The following RAB11FIP4 variants were observed in gnomAD, a reference collection of about 807,000 sequenced individuals.
RAB11FIP4 encodes the protein rab11 family-interacting protein 4.
Under a neutral mutation model 74.3 loss-of-function variants are expected in RAB11FIP4, and 23 were observed. That is an observed-to-expected ratio of 0.31 (90% CI 0.22 to 0.44). The LOEUF is 0.44. Ranked by LOEUF, RAB11FIP4 falls within the 20% of genes least tolerant of loss-of-function variation. RAB11FIP4 has a pLI of 1.00. For synonymous variants in RAB11FIP4, 360 were observed against 359.9 expected (o/e 1.00, Z 0.00); for missense variants, 630 against 863.9 (o/e 0.73, Z 3.39).
chr17:31,403,435 G>A (rs1218736559), intron 1 of RAB11FIP4, among the ~76,000 whole-genome samples: 2 of 151,604 alleles, frequency 1.3e-5, no homozygotes, highest in East Asian at 3.9e-4. Context: ...CAATTCTCCT[G>A]CCTCAGCCTC....
At chr17:31,470,137 G>A (rs925842144) in intron 3 of RAB11FIP4, among the ~76,000 whole-genome samples, 9 of 152,134 alleles carry the variant, frequency 5.9e-5, no homozygotes, top group African/African-American at 1.9e-4. Flanking sequence ...CCTGAGAGTC[G>A]CTGCTTCTGA....
chr17:31,406,104 A>G (rs777481224), intron 1 of RAB11FIP4, among the ~76,000 whole-genome samples: 11 of 152,250 alleles, frequency 7.2e-5, no homozygotes, highest in Non-Finnish European at 1.5e-4. Flanking sequence ...TGGTGCAAGC[A>G]GGGTGGGGCC....
intron 3 of RAB11FIP4, among the ~76,000 whole-genome samples, chr17:31,497,773 T>C (rs74637485): frequency 0.034 from 5,225 of 152,110 alleles, 290 homozygotes; most frequent in African/African-American, 0.12. Flanking sequence ...AGGGGCTGAG[T>C]GTGCGCTGCT....
chr17:31,433,557 G>A (rs951536734), intron 2 of RAB11FIP4, among the ~76,000 whole-genome samples: 2 of 152,208 alleles, frequency 1.3e-5, no homozygotes, highest in African/African-American at 2.4e-5. Flanking sequence ...TCTCAGGAGC[G>A]AGGCCAGCCG....
intron 1 of RAB11FIP4, among the ~76,000 whole-genome samples, chr17:31,399,034 A>G (rs2070959050): frequency 6.6e-6 from 1 of 152,138 alleles, no homozygotes; most frequent in African/African-American, 2.4e-5. Flanking sequence ...GGCCGGCAGG[A>G]ATAGGGGTGT....
At position 31,522,004 on chromosome 17, in the gene RAB11FIP4, T is replaced by C. The variant is rs777044070; in HGVS notation, c.848T>C (p.Leu283Pro). Residue 283 changes from leucine (L) to proline (P), a missense_variant, in exon 6 of 15, where the codon CTG (leucine) becomes CCG (proline). By Grantham distance (98) the Leu-to-Pro change is moderately conservative. Coordinates refer to ENST00000621161, the MANE Select transcript of RAB11FIP4 (RefSeq NM_032932.6). ...YCSQCCKKIN[L>P]LNDLEARLKN... ...TCTCAATGCTGCAAGAAAATCAACC[T>C]GCTCAATGACTTGGAAGCCCGACTG... is the stretch of plus-strand genomic sequence containing the variant. 6 of 1,614,122 alleles carry C rather than the reference T, an allele frequency of 3.7e-6. No homozygotes were observed. The South Asian group carries it at 6.6e-5, about 18-fold the overall frequency.
chr17:31,454,428 C>A (rs979442488), intron 3 of RAB11FIP4, among the ~76,000 whole-genome samples: 2 of 152,072 alleles, frequency 1.3e-5, no homozygotes, highest in African/African-American at 4.8e-5. Flanking sequence ...TATGTGCCAC[C>A]ACGCCCAACT....
At position 31,458,269 on chromosome 17, in the gene RAB11FIP4, G is replaced by A. The variant is rs527955268; in HGVS notation, c.336+24147G>A. 2.3e-4 allele frequency among the ~76,000 whole-genome samples: 35 copies of A among 152,320 alleles called. No homozygotes were observed. In the Middle Eastern group the frequency reaches 0.01, roughly 44 times the overall value. ...CACTCCCTCCACCCCATCCCTGGAGGCAGGACCAGAGGACTCCTTTGAGGA... is the reference window on the plus strand; with the variant it reads ...CACTCCCTCCACCCCATCCCTGGAGACAGGACCAGAGGACTCCTTTGAGGA... On this transcript the variant is annotated intron_variant, in intron 3 of 14. Transcript: ENST00000621161.
At chr17:31,487,369 C>T (rs1358266256) in intron 3 of RAB11FIP4, among the ~76,000 whole-genome samples, 2 of 152,144 alleles carry the variant, frequency 1.3e-5, no homozygotes, top group Non-Finnish European at 2.9e-5. Flanking sequence ...TCCTCCGCCT[C>T]GGCCACTTTG....
At chr17:31,492,660 A>G (rs2072032808) in intron 3 of RAB11FIP4, among the ~76,000 whole-genome samples, 1 of 152,156 alleles carries the variant, frequency 6.6e-6, no homozygotes, top group Non-Finnish European at 1.5e-5. Context: ...TCTCATGCCA[A>G]GTGTCTGACT....
intron 1 of RAB11FIP4, among the ~76,000 whole-genome samples, chr17:31,406,247 A>G (rs558828470): frequency 6.6e-6 from 1 of 152,342 alleles, no homozygotes; most frequent in South Asian, 2.1e-4. Flanking sequence ...CCTCAGTACC[A>G]CTGACTGTCC....
intron 3 of RAB11FIP4, among the ~76,000 whole-genome samples, chr17:31,453,621 TC>T (rs1180801159): frequency 6.6e-6 from 1 of 151,574 alleles, no homozygotes; most frequent in African/African-American, 2.4e-5. Flanking sequence ...GGTCAGGAGT[TC>T]GAGACCAGCC....
At chr17:31,450,322 TTATTATTATTA>T (rs1224869459) in intron 3 of RAB11FIP4, among the ~76,000 whole-genome samples, 1 of 21,102 alleles carries the variant, frequency 4.7e-5, no homozygotes, top group African/African-American at 4.3e-4. Context: ...GCCACCGGCT[TTATTATTATTA>T]TTATTATTAT....
intron 1 of RAB11FIP4, among the ~76,000 whole-genome samples, chr17:31,405,953 G>C (rs953338458): frequency 6.6e-6 from 1 of 151,956 alleles, no homozygotes; most frequent in Non-Finnish European, 1.5e-5. Flanking sequence ...CCCAGGCACC[G>C]ACTGGCCCTC....
intron 3 of RAB11FIP4, among the ~76,000 whole-genome samples, chr17:31,494,379 A>G (rs1306170166): frequency 6.8e-6 from 1 of 146,840 alleles, no homozygotes; most frequent in Non-Finnish European, 1.5e-5. Context: ...GTAAGGCTCA[A>G]ATATGTAAAT....
intron 1 of RAB11FIP4, among the ~76,000 whole-genome samples, chr17:31,395,646 T>G (rs2151612111): frequency 6.6e-6 from 1 of 152,154 alleles, no homozygotes; most frequent in East Asian, 1.9e-4. Flanking sequence ...CTCTCAAAAT[T>G]GTCAAGGTCA....
chr17:31,474,325 A>G (rs79933149), intron 3 of RAB11FIP4, among the ~76,000 whole-genome samples: 1,989 of 152,248 alleles, frequency 0.013, 42 homozygotes, highest in African/African-American at 0.045. Context: ...AGAGCATGCC[A>G]ACCTTGAGAG....
At chr17:31,469,935 C>G (rs961222323) in intron 3 of RAB11FIP4, among the ~76,000 whole-genome samples, 1 of 152,220 alleles carries the variant, frequency 6.6e-6, no homozygotes, top group Non-Finnish European at 1.5e-5. Context: ...TTTACCTGAG[C>G]TGACATAAAT....
At chr17:31,497,792 G>A (rs562589141) in intron 3 of RAB11FIP4, among the ~76,000 whole-genome samples, 1 of 152,226 alleles carries the variant, frequency 6.6e-6, no homozygotes, top group East Asian at 1.9e-4. Context: ...CTGGCTAGAG[G>A]GAGGCTTTAA....
Sources: allele counts gnomAD v4.1 joint callset (sites outside exome capture counted in the v4.1 genomes callset), GRCh38; gene constraint gnomAD v4.1.1; transcripts MANE v1.5; gene names NCBI Gene and HGNC (gene_info 2026-07-23, HGNC 2026-07-21).